The following RAB3C variants were observed in gnomAD, a reference collection of about 807,000 sequenced individuals.
RAB3C encodes ras-related protein Rab-3C.
A neutral mutation model predicts 26.4 loss-of-function variants in RAB3C; 17 were observed. The ratio of observed to expected loss-of-function variants is 0.64; its 90% CI spans 0.44 to 0.97. The LOEUF (loss-of-function observed/expected upper bound fraction) is 0.97. Ranked by LOEUF, RAB3C falls within the 50% of genes least tolerant of loss-of-function variation. The pLI is 0.00. For synonymous variants in RAB3C, 91 were observed against 95.9 expected (o/e 0.95, Z 0.30); for missense variants, 242 against 281.9 (o/e 0.86, Z 1.01).
Position 58,856,544 on chromosome 5 carries a change from C to T in RAB3C, c.*5193C>T, listed in dbSNP as rs2112097247. 1 of 152,270 alleles carries T rather than the reference C, an allele frequency of 6.6e-6. No homozygotes were observed. Among genetic ancestry groups the T allele is most frequent in the Middle Eastern group, 3.4e-3 (1 of 294 alleles). The allele number at this position is 152,270 out of a possible 1,614,324, so 9.4% of individuals were successfully genotyped here. A position where few individuals can be genotyped will look rare whatever the true frequency, so the allele number is the denominator to read the frequency against. Reference sequence around the variant, plus strand: ...CAACCATTACTGGTGGAGTTTCAAACAGTCATTACTTGCTGAAATGAGGTT... The same window carrying T: ...CAACCATTACTGGTGGAGTTTCAAATAGTCATTACTTGCTGAAATGAGGTT... On this transcript the variant is annotated 3_prime_UTR_variant, in exon 5 of 5. Coordinates refer to ENST00000282878, the MANE Select transcript of RAB3C (RefSeq NM_138453.4).
At chr5:58,685,121 G>A (rs985894003) in intron 2 of RAB3C, among the ~76,000 whole-genome samples, 3 of 152,132 alleles carry the variant, frequency 2.0e-5, no homozygotes, top group African/African-American at 7.2e-5. Flanking sequence ...ACAGATACAT[G>A]CTAATCCCTC....
chr5:58,623,246 T>C (rs1042021147), intron 2 of RAB3C, among the ~76,000 whole-genome samples: 2 of 152,188 alleles, frequency 1.3e-5, no homozygotes, highest in Non-Finnish European at 2.9e-5. Flanking sequence ...GAAAAGGGCA[T>C]GAAAGAAGGA....
intron 2 of RAB3C, among the ~76,000 whole-genome samples, chr5:58,677,735 T>C (rs183065266): frequency 2.4e-3 from 371 of 152,300 alleles, no homozygotes; most frequent in African/African-American, 8.7e-3. Context: ...AGCGGCTATC[T>C]AGAAATTTGA....
intron 2 of RAB3C, among the ~76,000 whole-genome samples, chr5:58,699,491 C>G (rs1336390667): frequency 6.6e-6 from 1 of 152,204 alleles, no homozygotes; most frequent in African/African-American, 2.4e-5. Flanking sequence ...AGCCACTGCT[C>G]TCTTCAGAGC....
intron 2 of RAB3C, among the ~76,000 whole-genome samples, chr5:58,630,691 A>G (rs1224604277): frequency 6.6e-6 from 1 of 152,208 alleles, no homozygotes; most frequent in Non-Finnish European, 1.5e-5. Context: ...GCAAATAAAA[A>G]CTTGGTATTC....
At position 58,701,866 on chromosome 5, in the gene RAB3C, G is replaced by A. The variant is rs536349232; in HGVS notation, c.253-24136G>A. On this transcript the variant is annotated intron_variant, in intron 2 of 4. Transcript: ENST00000282878. ...CATTGAGCCCACCCAGAAATTATAG[G>A]ATAATCCCCTCATTGTGAGATCATT... Among the ~76,000 whole-genome samples the A allele has an allele frequency of 2.0e-5, 3 of 152,086 alleles. No homozygotes were observed. The East Asian group carries it at 5.8e-4, about 29-fold the overall frequency.
intron 3 of RAB3C, among the ~76,000 whole-genome samples, chr5:58,784,173 G>A (rs1465976476): frequency 6.6e-6 from 1 of 152,104 alleles, no homozygotes; most frequent in African/African-American, 2.4e-5. Flanking sequence ...CTCACCCAAT[G>A]AAAAGTGAGG....
intron 3 of RAB3C, among the ~76,000 whole-genome samples, chr5:58,767,968 A>C (rs1014041413): frequency 2.0e-5 from 3 of 152,142 alleles, no homozygotes; most frequent in Non-Finnish European, 4.4e-5. Flanking sequence ...CTGACATCTA[A>C]ACTGAACTCT....
intron 2 of RAB3C, among the ~76,000 whole-genome samples, chr5:58,714,122 G>C (rs1019697943): frequency 6.6e-6 from 1 of 152,092 alleles, no homozygotes; most frequent in East Asian, 1.9e-4. Context: ...AAATGGAAAA[G>C]AGCCTAAGAA....
At chr5:58,826,223 G>C (rs886727126) in intron 4 of RAB3C, among the ~76,000 whole-genome samples, 1 of 152,002 alleles carries the variant, frequency 6.6e-6, no homozygotes, top group Non-Finnish European at 1.5e-5. Context: ...AGAGATGAGT[G>C]ATGAGGGGAG....
intron 3 of RAB3C, among the ~76,000 whole-genome samples, chr5:58,779,974 G>A (rs550620531): frequency 1.3e-5 from 2 of 152,106 alleles, no homozygotes; most frequent in Non-Finnish European, 2.9e-5. Context: ...GGGAGATGCT[G>A]TGGAAAAATG....
intron 1 of RAB3C, among the ~76,000 whole-genome samples, chr5:58,586,152 T>C (rs1746002581): frequency 6.6e-6 from 1 of 152,106 alleles, no homozygotes; most frequent in South Asian, 2.1e-4. Context: ...TATATGTATA[T>C]ATACTATATA....
At position 58,827,928 on chromosome 5, in the gene RAB3C, C is replaced by T. The variant is rs1315605700; in HGVS notation, c.496+2766C>T. On this transcript the variant is annotated intron_variant, in intron 4 of 4. Transcript: ENST00000282878. ...TTATTCTTCAGAATACCATCACATA[C>T]ACACAAAAGTTGCACATTGTTTTTT... Among the ~76,000 whole-genome samples, 20 of 152,232 alleles carry T rather than the reference C, an allele frequency of 1.3e-4. 1 individual carries two copies. Among genetic ancestry groups the T allele is most frequent in the Non-Finnish European group, 4.4e-5 (3 of 68,034 alleles).
chr5:58,700,122 GAATTA>G (rs1748810699), intron 2 of RAB3C, among the ~76,000 whole-genome samples: 2 of 152,130 alleles, frequency 1.3e-5, no homozygotes, highest in African/African-American at 4.8e-5. Flanking sequence ...TTCAGTTTTT[GAATTA>G]AATTGAAAGG....
At chr5:58,749,836 A>G (rs1741483909) in intron 3 of RAB3C, among the ~76,000 whole-genome samples, 2 of 152,294 alleles carry the variant, frequency 1.3e-5, no homozygotes, top group East Asian at 1.9e-4. Flanking sequence ...AAAACAAACA[A>G]CAACAACAAA....
intron 3 of RAB3C, among the ~76,000 whole-genome samples, chr5:58,770,776 TC>T (rs1270210484): frequency 2.0e-5 from 3 of 152,124 alleles, no homozygotes; most frequent in African/African-American, 7.2e-5. Flanking sequence ...TTAGTCATAA[TC>T]TTTTTTACTT....
intron 2 of RAB3C, among the ~76,000 whole-genome samples, chr5:58,636,405 C>G (rs188000922): frequency 5.3e-5 from 8 of 152,164 alleles, no homozygotes; most frequent in African/African-American, 1.9e-4. Flanking sequence ...ATAACTGGAA[C>G]GTTGAATCCT....
intron 3 of RAB3C, among the ~76,000 whole-genome samples, chr5:58,757,920 TTG>T (rs2111971849): frequency 9.8e-6 from 1 of 101,726 alleles, no homozygotes; most frequent in South Asian, 3.6e-4. Context: ...TTATTTGTTT[TTG>T]TTGTTGTTGT....
chr5:58,759,939 A>G (rs1215813458), intron 3 of RAB3C, among the ~76,000 whole-genome samples: 1 of 152,214 alleles, frequency 6.6e-6, no homozygotes, highest in African/African-American at 2.4e-5. Context: ...GTTCTTCGTT[A>G]CTAAAAATGA....
Sources: gnomAD v4.1 joint callset for allele counts (sites outside exome capture counted in the v4.1 genomes callset) on GRCh38, gnomAD v4.1.1 for gene constraint, MANE v1.5 for transcripts, NCBI Gene and HGNC (gene_info 2026-07-23, HGNC 2026-07-21) for gene names.